Variants in SEMA4A observed in about 807,000 individuals in gnomAD.
SEMA4A encodes the protein semaphorin 4A, also known as semaphorin-4A.
SEMA4A carries 52 observed loss-of-function variants against 72.5 expected under a neutral mutation model. The observed-to-expected ratio is 0.72, with a 90% CI of 0.57 to 0.90. The LOEUF is 0.90. SEMA4A is among the 40% of genes least tolerant of loss of function. SEMA4A has a pLI of 0.00. For missense variants in SEMA4A, 926 were observed against 959.7 expected (o/e 0.96, Z 0.46); for synonymous variants, 369 against 393.1 (o/e 0.94, Z 0.73).
intron 2 of SEMA4A, chr1:156,156,175 T>C: frequency 1.9e-6 from 1 of 524,396 alleles, no homozygotes; most frequent in African/African-American, 1.9e-5. Context: ...CTCACTTTAT[T>C]TCCCGTCCCC....
intron 1 of SEMA4A, chr1:156,154,329 C>T (rs1228869412): frequency 1.0e-5 from 6 of 577,420 alleles, no homozygotes; most frequent in African/African-American, 3.7e-5. Flanking sequence ...GACCTGGGCT[C>T]CTACCCATAG....
chr1:156,157,032 T>A lies in SEMA4A; in HGVS notation c.300+458T>A, dbSNP rs897890325. On this transcript the variant is annotated intron_variant, in intron 3 of 14. Coordinates refer to ENST00000368285, the MANE Select transcript of SEMA4A (RefSeq NM_022367.4). The surrounding 1 kb of genome is among the most constrained non-coding windows in gnomAD (Gnocchi z 4.5). ...CAGGCGTGAGCCACCGCACCCGGCCTGTGACTTCACTCTTCACTGGTATTG... is the reference window on the plus strand; with the variant it reads ...CAGGCGTGAGCCACCGCACCCGGCCAGTGACTTCACTCTTCACTGGTATTG... Among the ~76,000 whole-genome samples, 2 of 152,014 alleles carry A rather than the reference T, an allele frequency of 1.3e-5. No individual in the cohort carries two copies. Among genetic ancestry groups the A allele is most frequent in the Non-Finnish European group, 2.9e-5 (2 of 67,990 alleles).
upstream of SEMA4A, chr1:156,149,981 G>GTGACTGAGGAC (rs1426018224): frequency 2.0e-5 from 3 of 152,192 alleles, no homozygotes; most frequent in Non-Finnish European, 4.4e-5. Flanking sequence ...GACCAGTGAG[G>GTGACTGAGGAC]CGGGATGGGG....
intron 8 of SEMA4A, 42 bp from the exon 9 acceptor site, chr1:156,161,297 GGGGGGTC>G (rs766615172): frequency 1.4e-6 from 1 of 737,860 alleles, no homozygotes. Flanking sequence ...ACGCGGGGCT[GGGGGGTC>G]GGGGCGCCCG....
intron 10 of SEMA4A, among the ~76,000 whole-genome samples, chr1:156,169,269 TTCTC>T (rs142708846): frequency 1.8e-4 from 27 of 150,930 alleles, no homozygotes; most frequent in Admixed American, 7.3e-4. Context: ...GAGAAGATTC[TTCTC>T]TCTCTCTCTC....
Position 156,173,025 on chromosome 1 carries a change from G to C in SEMA4A, c.1315+19G>C. ...GGAACCAGTGAGTAAAGAGTTCCGG[G>C]ACATCCCCCAGAGGACTAGAGCAGA... On this transcript the variant is annotated intron_variant, in intron 11 of 14. Transcript: ENST00000368285. 6.2e-7 allele frequency: 1 copy of C among 1,612,232 alleles called. No homozygotes were observed. The highest frequency in any genetic ancestry group is 8.5e-7 in the Non-Finnish European group (1 of 1,178,870).
intron 5 of SEMA4A, 63 bp from the exon 6 acceptor site, chr1:156,158,656 G>A (rs1653276081): frequency 1.4e-6 from 2 of 1,422,158 alleles, no homozygotes; most frequent in Non-Finnish European, 2.0e-6. Flanking sequence ...CCTTCCTCAA[G>A]CCCCTCATTT....
chr1:156,163,620 C>T (rs1653884100), intron 10 of SEMA4A, among the ~76,000 whole-genome samples: 1 of 145,042 alleles, frequency 6.9e-6, no homozygotes, highest in Non-Finnish European at 1.5e-5. Flanking sequence ...TACTGGGAGG[C>T]TGAGGCAGGA....
intron 10 of SEMA4A, among the ~76,000 whole-genome samples, chr1:156,169,192 T>A (rs1289498625): frequency 2.0e-5 from 3 of 152,128 alleles, no homozygotes; most frequent in East Asian, 3.9e-4. Flanking sequence ...GTTGCTGAGA[T>A]TAGTAATTCG....
At chr1:156,167,495 A>AAG (rs1654284967) in intron 10 of SEMA4A, among the ~76,000 whole-genome samples, 1 of 146,236 alleles carries the variant, frequency 6.8e-6, no homozygotes, top group African/African-American at 2.5e-5. Context: ...AAAAAAAAAA[A>AAG]GAAAGAAAAG....
chr1:156,160,591 C>T (rs750752916), intron 7 of SEMA4A, 32 bp downstream of exon 7: 1 of 1,568,942 alleles, frequency 6.4e-7, no homozygotes, highest in Non-Finnish European at 8.8e-7. Context: ...GCCTCCTTTC[C>T]TGAGTCCTGG....
At chr1:156,156,867 C>G (rs1653091527) in intron 3 of SEMA4A, among the ~76,000 whole-genome samples, 1 of 151,790 alleles carries the variant, frequency 6.6e-6, no homozygotes, top group South Asian at 2.1e-4. Flanking sequence ...CCTCAGCCTC[C>G]CAAGTAGCTG....
At chr1:156,158,046 G>T (rs116375300) in intron 3 of SEMA4A, 24 bp from the exon 4 acceptor site, 1 of 1,613,428 alleles carries the variant, frequency 6.2e-7, no homozygotes, top group East Asian at 2.2e-5. Context: ...TTTTCATCTC[G>T]CCCTCCCAAC....
At chr1:156,158,217 G>A (rs1276727814) in intron 4 of SEMA4A, 85 bp downstream of exon 4, 18 of 1,430,786 alleles carry the variant, frequency 1.3e-5, no homozygotes, top group Middle Eastern at 1.9e-4. Context: ...CAGGTTGGGC[G>A]GCAGTGGAGG....
In SEMA4A at chr1:156,157,656, C is replaced by T. The variant is rs574153784; in HGVS notation, c.301-414C>T. On this transcript the variant is annotated intron_variant, in intron 3 of 14. Transcript: ENST00000368285. The surrounding 1 kb of genome is among the most constrained non-coding windows in gnomAD (Gnocchi z 4.5). ...GGTTAAAAATGCAGATTCTCTAAGG[C>T]GTGACCCAGGAACCAACTTGTTAAA... 2.7e-4 allele frequency among the ~76,000 whole-genome samples: 41 copies of T among 152,324 alleles called. No individual in the cohort carries two copies. Among genetic ancestry groups the T allele is most frequent in the African/African-American group, 9.1e-4 (38 of 41,568 alleles).
chr1:156,177,152 A>C lies in SEMA4A; in HGVS notation c.*155A>C, dbSNP rs1655435484. The C allele has an allele frequency of 4.1e-6, 3 of 735,752 alleles. No individual in the cohort carries two copies. In the African/African-American group the frequency reaches 5.2e-5, roughly 13 times the overall value. 45.6% of individuals were successfully genotyped at this position (735,752 alleles called of 1,614,324 possible). ...CTCTGCATCACTGATGACACTCAGC[A>C]GGGTGATGCACAGCAGTCTGCCTCC... On this transcript the variant is annotated 3_prime_UTR_variant, in exon 15 of 15. Coordinates refer to ENST00000368285, the MANE Select transcript of SEMA4A (RefSeq NM_022367.4).
chr1:156,177,488 T>C lies in SEMA4A; in HGVS notation c.*491T>C. 4.4e-6 allele frequency: 1 copy of C among 226,644 alleles called. No homozygotes were observed. The highest frequency in any genetic ancestry group is 8.9e-6 in the Non-Finnish European group (1 of 111,880). The allele number at this position is 226,644 out of a possible 1,614,324, so 14.0% of individuals were successfully genotyped here. On this transcript the variant is annotated 3_prime_UTR_variant, in exon 15 of 15. Coordinates refer to ENST00000368285, the MANE Select transcript of SEMA4A (RefSeq NM_022367.4). ...CAGGGTCATGCAGGGATCTGCTCCC[T>C]CCTGCTTCCCTTACCAGTCGTGCAC...
At position 156,160,547 on chromosome 1, in the gene SEMA4A, C is replaced by T; in HGVS notation, c.673C>T (p.Arg225Cys). 6.2e-7 allele frequency: 1 copy of T among 1,614,068 alleles called. No homozygotes were observed. Among genetic ancestry groups the T allele is most frequent in the Middle Eastern group, 1.6e-4 (1 of 6,062 alleles). ...TGTCCTCAAGACCGACAACTTCCTCCGCTGGCTGCATCGTAAGGACCTGAC... is the reference window on the plus strand; with the variant it reads ...TGTCCTCAAGACCGACAACTTCCTCTGCTGGCTGCATCGTAAGGACCTGAC... Reference protein sequence around the residue: ...QPVLKTDNFLRWLHHDASFVA... With the variant: ...QPVLKTDNFLCWLHHDASFVA... Residue 225 changes from arginine (R) to cysteine (C), a missense_variant, in exon 7 of 15, where the codon CGC (arginine) becomes TGC (cysteine). Arg to Cys is a radical substitution (Grantham distance 180). Coordinates refer to ENST00000368285, the MANE Select transcript of SEMA4A (RefSeq NM_022367.4).
At chr1:156,156,623 C>CGGCA (rs1558146933) in intron 3 of SEMA4A, 49 bp downstream of exon 3, 6 of 1,599,106 alleles carry the variant, frequency 3.8e-6, no homozygotes, top group Non-Finnish European at 5.1e-6. Context: ...AAGAGGGGGC[C>CGGCA]GGCAGCTACC....
Sources: allele counts gnomAD v4.1 joint callset (sites outside exome capture counted in the v4.1 genomes callset), GRCh38; gene constraint gnomAD v4.1.1; non-coding constraint Gnocchi (gnomAD v3.1); transcripts MANE v1.5; gene names NCBI Gene and HGNC (gene_info 2026-07-23, HGNC 2026-07-21).